Variants in CPED1 observed in about 807,000 individuals in gnomAD.
The protein encoded by CPED1 is cadherin-like and PC-esterase domain-containing protein 1.
Under a neutral mutation model 128.2 loss-of-function variants are expected in CPED1, and 114 were observed. That is an observed-to-expected ratio of 0.89 (90% CI 0.76 to 1.04). The LOEUF is 1.04. Ranked by LOEUF, CPED1 falls within the 50% of genes least tolerant of loss-of-function variation. The probability of loss-of-function intolerance (pLI) is 0.00; values close to 1 mark genes in which losing one functional copy is unlikely to be tolerated. For synonymous variants in CPED1, 462 were observed against 426.7 expected, an observed-to-expected ratio of 1.08 and a Z score of -1.02; for missense variants, 1,211 against 1,207.1, an observed-to-expected ratio of 1.00 and a Z score of -0.05.
chr7:121,206,050 G>T (rs1797509902), intron 16 of CPED1, among the ~76,000 whole-genome samples: 1 of 151,958 alleles, frequency 6.6e-6, no homozygotes. Flanking sequence ...GTAAGTACAG[G>T]CAACAGTAAC....
At chr7:121,165,566 CCTTTT>C (rs1358452797) in intron 16 of CPED1, among the ~76,000 whole-genome samples, 1 of 152,048 alleles carries the variant, frequency 6.6e-6, no homozygotes, top group African/African-American at 2.4e-5. Flanking sequence ...TTAAATATGT[CCTTTT>C]CTTAGAATTA....
chr7:121,260,929 C>A (rs1792003151), intron 18 of CPED1, among the ~76,000 whole-genome samples: 1 of 151,958 alleles, frequency 6.6e-6, no homozygotes, highest in Admixed American at 6.6e-5. Flanking sequence ...CTTTTCTTAT[C>A]TATTAATACT....
At chr7:121,042,414 G>A (rs1397388908) in intron 3 of CPED1, among the ~76,000 whole-genome samples, 1 of 152,130 alleles carries the variant, frequency 6.6e-6, no homozygotes, top group Non-Finnish European at 1.5e-5. Context: ...GCTAGAGCTG[G>A]ATAATTTCTG....
At chr7:121,049,976 T>C (rs2116913851) in intron 4 of CPED1, among the ~76,000 whole-genome samples, 1 of 152,334 alleles carries the variant, frequency 6.6e-6, no homozygotes, top group South Asian at 2.1e-4. Flanking sequence ...AATATGTTCA[T>C]AGTGGCAAGG....
chr7:121,266,937 G>C, intron 20 of CPED1, 129 bp downstream of exon 20: 1 of 696,510 alleles, frequency 1.4e-6, no homozygotes, highest in East Asian at 2.7e-5. Flanking sequence ...TTAAAGTCTA[G>C]TTTAAAATAA....
intron 16 of CPED1, among the ~76,000 whole-genome samples, chr7:121,219,342 A>C (rs375390218): frequency 2.6e-5 from 4 of 152,030 alleles, no homozygotes; most frequent in East Asian, 3.9e-4. Flanking sequence ...TAAATGGAGA[A>C]TACAGGGTGT....
intron 2 of CPED1, among the ~76,000 whole-genome samples, chr7:120,991,388 T>G (rs1455596642): frequency 6.6e-6 from 1 of 152,210 alleles, no homozygotes; most frequent in Non-Finnish European, 1.5e-5. Context: ...CATTAACTTT[T>G]TTCTTTTCCT....
chr7:121,169,694 T>C (rs1259814562), intron 16 of CPED1, among the ~76,000 whole-genome samples: 11 of 152,196 alleles, frequency 7.2e-5, no homozygotes, highest in Admixed American at 7.2e-4. Flanking sequence ...GAATGGATGA[T>C]CTTATTGATC....
At chr7:121,120,966 T>TAAAAAAAAA (rs539242359) in intron 7 of CPED1, among the ~76,000 whole-genome samples, 8 of 91,674 alleles carry the variant, frequency 8.7e-5, no homozygotes, top group Admixed American at 1.4e-4. Flanking sequence ...GTTCCTGACC[T>TAAAAAAAAA]AAAAAAAAAA....
At chr7:121,239,613 A>G (rs551885649) in intron 17 of CPED1, among the ~76,000 whole-genome samples, 1 of 152,328 alleles carries the variant, frequency 6.6e-6, no homozygotes, top group South Asian at 2.1e-4. Context: ...TATTGAAAAT[A>G]TAGATGTTTT....
At chr7:121,236,687 C>T in intron 16 of CPED1, 27 bp from the exon 17 acceptor site, 2 of 1,349,856 alleles carry the variant, frequency 1.5e-6, no homozygotes, top group Non-Finnish European at 2.1e-6. Flanking sequence ...ATTAATACAA[C>T]AACTAATATC....
chr7:121,275,720 A>G (rs1049652996), intron 22 of CPED1, among the ~76,000 whole-genome samples: 36 of 152,258 alleles, frequency 2.4e-4, no homozygotes, highest in African/African-American at 8.4e-4. Flanking sequence ...CTGGTACTAT[A>G]GAAAGAAGAA....
intron 7 of CPED1, among the ~76,000 whole-genome samples, chr7:121,100,351 T>C (rs977715246): frequency 4.6e-5 from 7 of 152,254 alleles, no homozygotes; most frequent in African/African-American, 1.4e-4. Context: ...TTCTTTGATC[T>C]ACTTATTACA....
At chr7:121,136,678 A>C (rs1795791976) in intron 14 of CPED1, among the ~76,000 whole-genome samples, 1 of 152,244 alleles carries the variant, frequency 6.6e-6, no homozygotes, top group South Asian at 2.1e-4. Flanking sequence ...ATTTTTCCAA[A>C]GTCACAGGGT....
At chr7:121,231,998 A>G (rs535341875) in intron 16 of CPED1, among the ~76,000 whole-genome samples, 1 of 152,240 alleles carries the variant, frequency 6.6e-6, no homozygotes, top group South Asian at 2.1e-4. Context: ...ACATGGAAGC[A>G]TAATTAAGAT....
intron 16 of CPED1, among the ~76,000 whole-genome samples, chr7:121,208,178 G>A (rs765214634): frequency 1.3e-5 from 2 of 151,618 alleles, no homozygotes; most frequent in African/African-American, 2.4e-5. Flanking sequence ...AATAATAAAT[G>A]GCTACAGTAT....
At chr7:121,255,248 A>G (rs11770502) in intron 18 of CPED1, among the ~76,000 whole-genome samples, 63,106 of 151,878 alleles carry the variant, frequency 0.42, 13,562 homozygotes, top group Middle Eastern at 0.52. Flanking sequence ...TGGAAGGCTG[A>G]TTCAATGTAT....
At chr7:121,004,904 C>A (rs1337908405) in intron 2 of CPED1, among the ~76,000 whole-genome samples, 2 of 152,124 alleles carry the variant, frequency 1.3e-5, no homozygotes, top group Admixed American at 1.3e-4. Flanking sequence ...GTCCAGCCCC[C>A]AAATCTAAGA....
chr7:121,087,805 G>A (rs570788954), intron 5 of CPED1, among the ~76,000 whole-genome samples: 2 of 151,690 alleles, frequency 1.3e-5, no homozygotes, highest in South Asian at 4.2e-4. Context: ...GATTACAGAC[G>A]CCCACCACCA....
Sources: allele counts gnomAD v4.1 joint callset (sites outside exome capture counted in the v4.1 genomes callset), GRCh38; gene constraint gnomAD v4.1.1; transcripts MANE v1.5; gene names NCBI Gene and HGNC (gene_info 2026-07-23, HGNC 2026-07-21).